The following IRAK3 variants were observed in gnomAD, a reference collection of about 807,000 sequenced individuals.
IRAK3 encodes the protein interleukin 1 receptor associated kinase 3.
A neutral mutation model predicts 56.6 loss-of-function variants in IRAK3; 57 were observed. The observed-to-expected ratio is 1.01, with a 90% CI of 0.81 to 1.26. IRAK3 has a LOEUF of 1.26. Ranked by LOEUF, IRAK3 falls within the 50% of genes most tolerant of loss-of-function variation. The pLI, the probability that IRAK3 is intolerant of heterozygous loss-of-function variation, is 0.00. For synonymous variants in IRAK3, 258 were observed against 255.7 expected, an observed-to-expected ratio of 1.01 and a Z score of -0.09; for missense variants, 703 against 719.0, an observed-to-expected ratio of 0.98 and a Z score of 0.25.
Position 66,199,470 on chromosome 12 carries a change from T to G in IRAK3, c.134-4241T>G, listed in dbSNP as rs570706530. ...ATTTGTCTTGTTTTCAATCTGAAAC[T>G]GTAGTGATTATTTTTTCCTCCCCAG... On this transcript the variant is annotated intron_variant, in intron 1 of 11. Transcript: ENST00000261233. Among the ~76,000 whole-genome samples, 234 of 152,310 alleles carry G rather than the reference T, an allele frequency of 1.5e-3. 1 individual carries two copies. Among genetic ancestry groups the G allele is most frequent in the African/African-American group, 5.1e-3 (213 of 41,570 alleles).
At chr12:66,190,869 TTC>T (rs2052392478) in intron 1 of IRAK3, among the ~76,000 whole-genome samples, 1 of 152,186 alleles carries the variant, frequency 6.6e-6, no homozygotes, top group Non-Finnish European at 1.5e-5. Context: ...TACTCTACAC[TTC>T]TCCCCTTACT....
chr12:66,192,465 A>G (rs955130586), intron 1 of IRAK3, among the ~76,000 whole-genome samples: 3 of 152,222 alleles, frequency 2.0e-5, no homozygotes, highest in African/African-American at 7.2e-5. Context: ...TCATCTGATT[A>G]CATTACCATA....
chr12:66,246,108 A>G (rs1592605552), intron 11 of IRAK3, among the ~76,000 whole-genome samples: 1 of 152,084 alleles, frequency 6.6e-6, no homozygotes, highest in African/African-American at 2.4e-5. Flanking sequence ...GCCGTGGAGC[A>G]TGAATTCAGA....
At chr12:66,206,382 C>A (rs949820261) in intron 2 of IRAK3, among the ~76,000 whole-genome samples, 2 of 152,028 alleles carry the variant, frequency 1.3e-5, no homozygotes, top group African/African-American at 2.4e-5. Context: ...TGTAGATGGC[C>A]CTTATCATAT....
At chr12:66,197,584 C>G (rs1361080824) in intron 1 of IRAK3, 1 of 985,316 alleles carries the variant, frequency 1.0e-6, no homozygotes, top group African/African-American at 1.7e-5. Flanking sequence ...TATTTCATTT[C>G]CAGTCCGGAA....
intron 6 of IRAK3, among the ~76,000 whole-genome samples, chr12:66,220,514 CTTTT>C (rs1555203808): frequency 2.7e-4 from 18 of 67,310 alleles, no homozygotes; most frequent in African/African-American, 1.2e-3. Flanking sequence ...GTTCTTCTTT[CTTTT>C]TTTTTTTTTT....
chr12:66,214,657 A>C (rs2052649864), intron 5 of IRAK3, among the ~76,000 whole-genome samples: 1 of 152,216 alleles, frequency 6.6e-6, no homozygotes, highest in Admixed American at 6.5e-5. Flanking sequence ...CGTGTTCCCA[A>C]CCCTGACTAT....
chr12:66,195,864 C>A (rs1344525771), intron 1 of IRAK3, among the ~76,000 whole-genome samples: 1 of 152,026 alleles, frequency 6.6e-6, no homozygotes, highest in Non-Finnish European at 1.5e-5. Flanking sequence ...ACTATGTGGG[C>A]CAGGCTGGTC....
chr12:66,197,000 C>T, intron 1 of IRAK3: 1 of 1,534,094 alleles, frequency 6.5e-7, no homozygotes, highest in Non-Finnish European at 8.7e-7. Context: ...AAAACCCCTT[C>T]AGAGACATAT....
chr12:66,205,824 T>C (rs1365309605), intron 2 of IRAK3, among the ~76,000 whole-genome samples: 1 of 152,198 alleles, frequency 6.6e-6, no homozygotes, highest in Non-Finnish European at 1.5e-5. Context: ...CATATTGAAA[T>C]GGGCCTTTTA....
At chr12:66,193,093 C>T (rs779620597) in intron 1 of IRAK3, among the ~76,000 whole-genome samples, 3 of 151,984 alleles carry the variant, frequency 2.0e-5, no homozygotes, top group African/African-American at 4.8e-5. Flanking sequence ...CCGCAACCTC[C>T]GCCTCCCGGG....
intron 5 of IRAK3, among the ~76,000 whole-genome samples, chr12:66,215,837 GA>G (rs919839938): frequency 7.3e-6 from 1 of 136,706 alleles, no homozygotes; most frequent in African/African-American, 3.1e-5. Context: ...CACTTATCAG[GA>G]AAAAATGAGA....
chr12:66,200,768 A>G (rs1592576986), intron 1 of IRAK3, among the ~76,000 whole-genome samples: 1 of 151,990 alleles, frequency 6.6e-6, no homozygotes, highest in Admixed American at 6.6e-5. Context: ...CTGGTGTAGA[A>G]ACTCCCTAAG....
At chr12:66,196,983 A>G in intron 1 of IRAK3, 1 of 1,533,910 alleles carries the variant, frequency 6.5e-7, no homozygotes, top group Non-Finnish European at 8.7e-7. Flanking sequence ...GTGTTGCATT[A>G]TTTGAAAAAA....
At chr12:66,195,376 T>C (rs553943165) in intron 1 of IRAK3, among the ~76,000 whole-genome samples, 1 of 152,318 alleles carries the variant, frequency 6.6e-6, no homozygotes, top group African/African-American at 2.4e-5. Flanking sequence ...TTGAGTGTCT[T>C]TTCAGCCCAG....
chr12:66,225,390 C>CTT (rs1181683337), intron 6 of IRAK3, among the ~76,000 whole-genome samples: 1 of 151,254 alleles, frequency 6.6e-6, no homozygotes, highest in African/African-American at 2.4e-5. Flanking sequence ...TGTATGTATA[C>CTT]ATACACACAC....
Position 66,189,408 on chromosome 12 carries a change from G to T in IRAK3, c.109G>T (p.Gly37Cys). 7.0e-7 allele frequency: 1 copy of T among 1,434,914 alleles called. No homozygotes were observed. The highest frequency in any genetic ancestry group is 9.1e-7 in the Non-Finnish European group (1 of 1,093,116). The allele number at this position is 1,434,914 out of a possible 1,614,324, so 88.9% of individuals were successfully genotyped here. ...ELCAVLDSCD[G>C]ALGWRGLAER... The stretch of plus-strand genomic sequence containing the variant: ...CTGCGCTGTTCTGGACAGCTGCGAC[G>T]GCGCGCTGGGCTGGCGCGGCCTGGG... The change falls in exon 1 of 12, where the codon GGC becomes TGC. Residue 37 changes from glycine (G) to cysteine (C), a missense_variant. Physicochemically the swap from Gly to Cys is radical, Grantham distance 159 (BLOSUM62 -3). Coordinates refer to ENST00000261233, the MANE Select transcript of IRAK3 (RefSeq NM_007199.3).
At chr12:66,243,594 A>AT (rs3837449) in intron 8 of IRAK3, among the ~76,000 whole-genome samples, 16,741 of 152,122 alleles carry the variant, frequency 0.11, 1,578 homozygotes, top group East Asian at 0.38. Flanking sequence ...CCTAGCTGCC[A>AT]TTTTTTGAGC....
At chr12:66,215,812 A>G (rs1204150023) in intron 5 of IRAK3, among the ~76,000 whole-genome samples, 10 of 133,678 alleles carry the variant, frequency 7.5e-5, no homozygotes, top group African/African-American at 3.3e-4. Flanking sequence ...ACACACACAC[A>G]CACACACACA....
Sources: allele counts gnomAD v4.1 joint callset (sites outside exome capture counted in the v4.1 genomes callset), GRCh38; gene constraint gnomAD v4.1.1; transcripts MANE v1.5; gene names NCBI Gene and HGNC (gene_info 2026-07-23, HGNC 2026-07-21).